PCDHA4: variants seen among roughly 807,000 people sequenced by gnomAD.
PCDHA4 encodes protocadherin alpha 4.
A neutral mutation model predicts 61.4 loss-of-function variants in PCDHA4; 49 were observed. The ratio of observed to expected loss-of-function variants is 0.80; its 90% CI spans 0.63 to 1.01. PCDHA4 has a LOEUF of 1.01. Ranked by LOEUF, PCDHA4 falls within the 50% of genes least tolerant of loss-of-function variation. PCDHA4 has a pLI of 0.00. For missense variants in PCDHA4, 1,254 were observed against 1,235.8 expected (o/e 1.01, Z -0.22); for synonymous variants, 590 against 550.3 (o/e 1.07, Z -1.01).
chr5:140,854,582 T>TA (rs757658134), intron 1 of PCDHA4: 9 of 149,824 alleles, frequency 6.0e-5, no homozygotes, highest in Non-Finnish European at 1.0e-4. Context: ...CAGATTTTAA[T>TA]AAAAAAAGTT....
At chr5:140,837,919 TC>T (rs1554136703) in intron 1 of PCDHA4, among the ~76,000 whole-genome samples, 1 of 151,862 alleles carries the variant, frequency 6.6e-6, no homozygotes, top group African/African-American at 2.4e-5. Context: ...CTTCAAGCGA[TC>T]CTCCTACCTT....
chr5:140,884,350 G>A, intron 1 of PCDHA4: 1 of 1,613,918 alleles, frequency 6.2e-7, no homozygotes, highest in South Asian at 1.1e-5. Flanking sequence ...CGGCGCTGGT[G>A]GATGTCAATG....
In PCDHA4 at chr5:141,009,668, G is replaced by A. The variant is rs782068657; in HGVS notation, c.2575G>A (p.Val859Ile). The change falls in exon 4 of 4, where the codon GTC becomes ATC. Residue 859 changes from valine (V) to isoleucine (I), a missense_variant. Transcript: ENST00000530339. ...AGTGTCCCCTCCAGTCGGTGCGGGTGTCAACAGCAACAGCTGGACCTTTAA... is the reference window on the plus strand; with the variant it reads ...AGTGTCCCCTCCAGTCGGTGCGGGTATCAACAGCAACAGCTGGACCTTTAA... ...GEVSPPVGAG[V>I]NSNSWTFKYG... The A allele has an allele frequency of 1.2e-6, 2 of 1,614,108 alleles. No individual in the cohort carries two copies. Among genetic ancestry groups the A allele is most frequent in the Non-Finnish European group, 1.7e-6 (2 of 1,180,018 alleles).
rs781791963 is a variant in PCDHA4 at position 140,809,224 on chromosome 5, C to T, written c.2037C>T (p.Ser679=). ...LVESGQAPKA[S]SRALVGAVGP... ...AGAGTGGACAGGCGCCAAAGGCCTCCTCACGGGCGTTGGTGGGCGCTGTGG... is the reference window on the plus strand; with the variant it reads ...AGAGTGGACAGGCGCCAAAGGCCTCTTCACGGGCGTTGGTGGGCGCTGTGG... The change falls in exon 1 of 4, where the codon TCC becomes TCT. Residue 679 remains serine (S), a synonymous_variant. Transcript: ENST00000530339. 33 of 1,613,966 alleles carry T rather than the reference C, an allele frequency of 2.0e-5. No individual in the cohort carries two copies. In the Admixed American group the frequency reaches 5.5e-4, roughly 27 times the overall value.
intron 1 of PCDHA4, chr5:140,968,136 T>C (rs1554230395): frequency 1.2e-6 from 2 of 1,614,102 alleles, no homozygotes; most frequent in South Asian, 2.2e-5. Flanking sequence ...ACACTGAAGG[T>C]TGAGATCTCT....
At chr5:140,825,380 T>C (rs1415705722) in intron 1 of PCDHA4, 1 of 146,050 alleles carries the variant, frequency 6.8e-6, no homozygotes, top group Non-Finnish European at 1.5e-5. Context: ...ATCTAAAATA[T>C]CTAATATATA....
rs1764335154 is a variant in PCDHA4 at position 140,809,023 on chromosome 5, G to A, written c.1836G>A (p.Gln612=). The change falls in exon 1 of 4, where the codon CAG becomes CAA. Residue 612 remains glutamine, a synonymous_variant. Transcript: ENST00000530339. ...ACGCGTGGCTTTCGTACGAGCTGCA[G>A]CCGGGGACTGGTGGCGCGCGCATCC... ...GYNAWLSYEL[Q]PGTGGARIPF... 1.2e-6 allele frequency: 2 copies of A among 1,613,728 alleles called. No homozygotes were observed. The highest frequency in any genetic ancestry group is 4.5e-5 in the East Asian group (2 of 44,854).
At chr5:140,977,816 T>C (rs2096776197) in intron 1 of PCDHA4, among the ~76,000 whole-genome samples, 1 of 152,190 alleles carries the variant, frequency 6.6e-6, no homozygotes, top group Non-Finnish European at 1.5e-5. Flanking sequence ...TTATTGACAG[T>C]TTTGAATGGT....
At chr5:140,926,942 C>CT in intron 1 of PCDHA4, 1 of 1,585,854 alleles carries the variant, frequency 6.3e-7, no homozygotes, top group Non-Finnish European at 8.6e-7. Flanking sequence ...TCCTGCGGCG[C>CT]TGCAGCGGGA....
intron 3 of PCDHA4, 111 bp downstream of exon 3, chr5:140,982,674 A>G (rs1399250735): frequency 3.4e-6 from 5 of 1,450,700 alleles, no homozygotes; most frequent in Admixed American, 2.7e-5. Context: ...TATTTTTGTT[A>G]TTCCCTTTTT....
At chr5:140,982,824 G>GGTTT (rs74513655) in intron 3 of PCDHA4, among the ~76,000 whole-genome samples, 1 of 151,942 alleles carries the variant, frequency 6.6e-6, no homozygotes, top group African/African-American at 2.4e-5. Context: ...AAGTTTTTGG[G>GGTTT]GTTTGTTTGT....
chr5:140,926,769 G>T lies in PCDHA4; in HGVS notation c.2386-52180G>T, dbSNP rs1584462454. 7.3e-6 allele frequency: 10 copies of T among 1,360,582 alleles called. No individual in the cohort carries two copies. In the East Asian group the frequency reaches 2.4e-4, roughly 33 times the overall value. 84.3% of individuals were successfully genotyped at this position (1,360,582 alleles called of 1,614,324 possible). On this transcript the variant is annotated intron_variant, in intron 1 of 3. Coordinates refer to ENST00000530339, the MANE Select transcript of PCDHA4 (RefSeq NM_018907.4). ...TCGGCGGTCGCTGAGTATCCAGCCCGCAGCAGTGACGGCCGGCAGGAGCGT... is the reference window on the plus strand; with the variant it reads ...TCGGCGGTCGCTGAGTATCCAGCCCTCAGCAGTGACGGCCGGCAGGAGCGT...
chr5:140,850,035 A>G, intron 1 of PCDHA4: 1 of 1,596,458 alleles, frequency 6.3e-7, no homozygotes, highest in Non-Finnish European at 8.6e-7. Flanking sequence ...GCACGCGGAG[A>G]GCGGCAAGGT....
chr5:140,886,368 C>A (rs1174734883), intron 1 of PCDHA4, among the ~76,000 whole-genome samples: 1 of 152,040 alleles, frequency 6.6e-6, no homozygotes, highest in Non-Finnish European at 1.5e-5. Flanking sequence ...GGTGTACATG[C>A]CATGGTGTGC....
intron 1 of PCDHA4, chr5:140,877,760 G>C (rs782609531): frequency 6.2e-7 from 1 of 1,614,194 alleles, no homozygotes; most frequent in South Asian, 1.1e-5. Context: ...TCTGCAGAGA[G>C]CCCGCCCAAG....
At chr5:140,954,036 T>G (rs527853766) in intron 1 of PCDHA4, among the ~76,000 whole-genome samples, 170 of 152,342 alleles carry the variant, frequency 1.1e-3, no homozygotes, top group African/African-American at 3.9e-3. Context: ...GATGTGGTAT[T>G]TGGTTTTCTG....
At chr5:140,825,682 A>G (rs1414447242) in intron 1 of PCDHA4, 3 of 152,198 alleles carry the variant, frequency 2.0e-5, no homozygotes, top group African/African-American at 7.2e-5. Flanking sequence ...TCGGCCTCCC[A>G]AAGTGCTGGG....
chr5:140,852,915 G>T (rs112871977), intron 1 of PCDHA4: 1 of 783,362 alleles, frequency 1.3e-6, no homozygotes, highest in Non-Finnish European at 1.6e-6. Context: ...GTCTCGCTCT[G>T]TTGCCCAGGC....
chr5:140,853,510 A>T, intron 1 of PCDHA4: 1 of 977,306 alleles, frequency 1.0e-6, no homozygotes, highest in Non-Finnish European at 1.2e-6. Context: ...TGAAACAATA[A>T]TGAAGCTCCT....
Sources: gnomAD v4.1 joint callset for allele counts (sites outside exome capture counted in the v4.1 genomes callset) on GRCh38, gnomAD v4.1.1 for gene constraint, MANE v1.5 for transcripts, NCBI Gene and HGNC (gene_info 2026-07-23, HGNC 2026-07-21) for gene names.